The following C1QTNF3 variants were observed in gnomAD, a reference collection of about 807,000 sequenced individuals.
C1QTNF3 encodes the protein complement C1q tumor necrosis factor-related protein 3.
In C1QTNF3, 26 loss-of-function variants were observed where a neutral mutation model predicts 32.6. That is an observed-to-expected ratio of 0.80 (90% CI 0.58 to 1.11). The LOEUF (loss-of-function observed/expected upper bound fraction) is 1.11. C1QTNF3 is among the 50% of genes least tolerant of loss of function. The pLI is 0.00. For synonymous variants in C1QTNF3, 155 were observed against 146.0 expected, an observed-to-expected ratio of 1.06 and a Z score of -0.44; for missense variants, 362 against 398.2, an observed-to-expected ratio of 0.91 and a Z score of 0.77.
At chr5:34,213,716 A>ATG in the C1QTNF3 span, among the ~76,000 whole-genome samples, 1,776 of 141,038 alleles carry the variant, frequency 0.013, 52 homozygotes, top group African/African-American at 0.045. Context: ...GTGTATATAT[A>ATG]TGTATATATA....
rs914248210 is a variant in C1QTNF3, at chr5:34,018,967, A to T, written c.*1616T>A. ...CATGGTGAAACCCCATCTCTATTAG[A>T]AACATTAAAAATTAGCTGGTCCTGG... On this transcript the variant is annotated 3_prime_UTR_variant, in exon 6 of 6. Transcript: ENST00000382065. Among the ~76,000 whole-genome samples, 2 of 152,152 alleles carry T rather than the reference A, an allele frequency of 1.3e-5. No individual in the cohort carries two copies. The highest frequency in any genetic ancestry group is 2.9e-5 in the Non-Finnish European group (2 of 68,042).
chr5:34,102,618 A>G, the C1QTNF3 span, among the ~76,000 whole-genome samples: 1 of 152,180 alleles, frequency 6.6e-6, no homozygotes, highest in Non-Finnish European at 1.5e-5. Context: ...TAAAAAAGAT[A>G]TGTAAGTTTA....
chr5:34,160,140 T>C, the C1QTNF3 span, among the ~76,000 whole-genome samples: 1 of 152,150 alleles, frequency 6.6e-6, no homozygotes, highest in African/African-American at 2.4e-5. Context: ...CAATCCACAA[T>C]GGATGAGAGA....
chr5:34,079,772 C>A, the C1QTNF3 span, among the ~76,000 whole-genome samples: 1 of 151,514 alleles, frequency 6.6e-6, no homozygotes, highest in African/African-American at 2.4e-5. Flanking sequence ...GCCAGGGACT[C>A]AGGGAGAAGG....
the C1QTNF3 span, among the ~76,000 whole-genome samples, chr5:34,081,178 G>C: frequency 6.6e-6 from 1 of 151,526 alleles, no homozygotes; most frequent in Non-Finnish European, 1.5e-5. Context: ...TACAGTAGGC[G>C]CAGTGCCTAA....
chr5:34,145,335 G>T, the C1QTNF3 span, among the ~76,000 whole-genome samples: 1 of 151,914 alleles, frequency 6.6e-6, no homozygotes, highest in Non-Finnish European at 1.5e-5. Context: ...TGATTTTTCA[G>T]AAATACAAAA....
the C1QTNF3 span, among the ~76,000 whole-genome samples, chr5:34,242,111 G>T: frequency 6.6e-6 from 1 of 152,036 alleles, no homozygotes; most frequent in African/African-American, 2.4e-5. Flanking sequence ...GTAGATTCAA[G>T]GCTATCTCCA....
rs560309349 is a variant in C1QTNF3 at position 34,030,708 on chromosome 5, TAAAG to T, written c.571-1829_571-1826del. Among the ~76,000 whole-genome samples the T allele has an allele frequency of 1.2e-4, 19 of 152,170 alleles. No individual in the cohort carries two copies. The East Asian group carries it at 3.7e-3, about 29-fold the overall frequency. ...AAATTCCCATTGATGATAGACTGGA[TAAAG>T]AAAGTGTGCTACATATACACCATGG... On this transcript the variant is annotated intron_variant, in intron 3 of 5. Transcript: ENST00000382065.
the C1QTNF3 span, among the ~76,000 whole-genome samples, chr5:34,153,875 A>C: frequency 2.7e-5 from 4 of 148,916 alleles, no homozygotes; most frequent in East Asian, 7.8e-4. Flanking sequence ...AAAAAAAAAA[A>C]CAAAAGCAAA....
the C1QTNF3 span, among the ~76,000 whole-genome samples, chr5:34,071,605 T>C: frequency 6.6e-6 from 1 of 152,180 alleles, no homozygotes; most frequent in Admixed American, 6.5e-5. Flanking sequence ...ATATCGTTTT[T>C]AAAATAAACT....
the C1QTNF3 span, among the ~76,000 whole-genome samples, chr5:34,230,034 G>A: frequency 6.6e-6 from 1 of 152,184 alleles, no homozygotes; most frequent in Non-Finnish European, 1.5e-5. Flanking sequence ...CAGAGAGGGA[G>A]TGGGCCCTCA....
Position 34,020,608 on chromosome 5 carries a change from C to T in C1QTNF3, c.935G>A (p.Gly312Glu). ...TTACTTAGTTTCAAAGAGCAGGAATCCTGCAAAGGTGGAGAAGCGTTGGTG... is the reference window on the plus strand; with the variant it reads ...TTACTTAGTTTCAAAGAGCAGGAATTCTGCAAAGGTGGAGAAGCGTTGGTG... The part of the protein sequence containing the change: ...GDHQRFSTFA[G>E]FLLFETK Residue 312 changes from glycine to glutamate, a missense_variant, in exon 6 of 6, where the codon GGA (glycine) becomes GAA (glutamate). Transcript: ENST00000382065. The T allele has an allele frequency of 6.2e-7, 1 of 1,614,226 alleles. No homozygotes were observed. The highest frequency in any genetic ancestry group is 8.5e-7 in the Non-Finnish European group (1 of 1,180,028).
chr5:34,112,679 G>A, the C1QTNF3 span, among the ~76,000 whole-genome samples: 2 of 151,922 alleles, frequency 1.3e-5, no homozygotes, highest in East Asian at 3.9e-4. Context: ...AAAACAAACA[G>A]ACAAAAAAAA....
intron 3 of C1QTNF3, among the ~76,000 whole-genome samples, chr5:34,031,406 A>G (rs573435206): frequency 3.4e-4 from 52 of 152,332 alleles, no homozygotes; most frequent in African/African-American, 1.2e-3. Flanking sequence ...TTCATAGGTT[A>G]TGGGTTAGAG....
At chr5:34,125,316 A>G in the C1QTNF3 span, among the ~76,000 whole-genome samples, 2 of 151,860 alleles carry the variant, frequency 1.3e-5, no homozygotes, top group Non-Finnish European at 2.9e-5. Context: ...ATCTTCAACA[A>G]TAAGTTATAT....
chr5:34,100,306 G>T, the C1QTNF3 span, among the ~76,000 whole-genome samples: 1 of 151,752 alleles, frequency 6.6e-6, no homozygotes, highest in East Asian at 1.9e-4. Context: ...ACCTCTTAAA[G>T]TTCCTCTCTT....
intron 5 of C1QTNF3, among the ~76,000 whole-genome samples, chr5:34,023,563 C>G (rs1754394382): frequency 6.6e-6 from 1 of 152,056 alleles, no homozygotes; most frequent in African/African-American, 2.4e-5. Flanking sequence ...TGCCACATTC[C>G]AAGCTAACAT....
the C1QTNF3 span, chr5:34,244,635 G>A: frequency 6.7e-4 from 102 of 152,174 alleles, no homozygotes; most frequent in African/African-American, 2.4e-3. Flanking sequence ...GACACAGCAT[G>A]CTGATTGGTG....
At chr5:34,200,286 G>A in the C1QTNF3 span, 1 of 150,862 alleles carries the variant, frequency 6.6e-6, no homozygotes, top group Admixed American at 6.6e-5. Flanking sequence ...ATCTGCTCAG[G>A]ATCATGTAAC....
Sources: allele counts gnomAD v4.1 joint callset (sites outside exome capture counted in the v4.1 genomes callset), GRCh38; gene constraint gnomAD v4.1.1; transcripts MANE v1.5; gene names NCBI Gene and HGNC (gene_info 2026-07-23, HGNC 2026-07-21).